Variants in MIB1 observed in about 807,000 individuals in gnomAD.
MIB1 encodes the protein MIB E3 ubiquitin protein ligase 1.
MIB1 carries 278 observed loss-of-function variants against 124.5 expected under a neutral mutation model. The observed-to-expected ratio is 2.23, with a 90% CI of 2.02 to 2.47. MIB1 has a LOEUF of 2.47. Ranked by LOEUF, MIB1 falls within the 30% of genes most tolerant of loss-of-function variation. The pLI is 0.00. For synonymous variants in MIB1, 446 were observed against 429.4 expected (o/e 1.04, Z -0.48); for missense variants, 957 against 1,254.4 (o/e 0.76, Z 3.58).
chr18:21,757,797 A>G (rs1292753417), intron 1 of MIB1, among the ~76,000 whole-genome samples: 1 of 151,998 alleles, frequency 6.6e-6, no homozygotes, highest in Non-Finnish European at 1.5e-5. Context: ...GTCTTTTAAC[A>G]TTTTAAAATA....
upstream of MIB1, among the ~76,000 whole-genome samples, chr18:21,737,856 C>T (rs139955194): frequency 0.025 from 3,881 of 152,226 alleles, 175 homozygotes; most frequent in African/African-American, 0.086. Flanking sequence ...GCACCCAATA[C>T]GGGAGCACCC....
chr18:21,722,840 GTGTACC>G (rs1269157937), intron 1 of MIB1, among the ~76,000 whole-genome samples: 1 of 152,084 alleles, frequency 6.6e-6, no homozygotes, highest in Non-Finnish European at 1.5e-5. Context: ...TCCTATGAAG[GTGTACC>G]TAATAGCCAC....
At chr18:21,862,665 G>GA (rs1217717211) in intron 20 of MIB1, among the ~76,000 whole-genome samples, 2 of 152,176 alleles carry the variant, frequency 1.3e-5, no homozygotes, top group African/African-American at 4.8e-5. Flanking sequence ...CTAAGAGCAA[G>GA]AACTTTGGGG....
intron 1 of MIB1, among the ~76,000 whole-genome samples, chr18:21,755,656 A>G (rs1010025148): frequency 1.3e-5 from 2 of 152,236 alleles, no homozygotes; most frequent in African/African-American, 4.8e-5. Flanking sequence ...AACACAACCA[A>G]GATAAGGTAG....
At chr18:21,791,594 C>G (rs780891415) in intron 7 of MIB1, 37 bp downstream of exon 7, 2 of 1,493,242 alleles carry the variant, frequency 1.3e-6, no homozygotes, top group South Asian at 1.2e-5. Flanking sequence ...CTAGAAATTA[C>G]AATATACTTA....
intron 13 of MIB1, among the ~76,000 whole-genome samples, chr18:21,842,091 C>CA (rs376834305): frequency 0.67 from 23,807 of 35,564 alleles, 8,524 homozygotes; most frequent in Non-Finnish European, 0.73. Context: ...GACCCTATCT[C>CA]AAAAAAAAAA....
rs1402017156 is a variant in MIB1 at position 21,819,481 on chromosome 18, C to T, written c.1678-14C>T. 6.4e-7 allele frequency: 1 copy of T among 1,555,780 alleles called. No homozygotes were observed. Among genetic ancestry groups the T allele is most frequent in the Non-Finnish European group, 8.8e-7 (1 of 1,139,448 alleles). ...TTAATTGAAGAACTAATGAAAATTT[C>T]TTTAAACTTAAAGGATTCTGAAGGT... On this transcript the variant is annotated splice_polypyrimidine_tract_variant and intron_variant, in intron 11 of 20. Coordinates refer to ENST00000261537, the MANE Select transcript of MIB1 (RefSeq NM_020774.4).
chr18:21,818,018 A>G (rs1041926354), intron 11 of MIB1, among the ~76,000 whole-genome samples: 2 of 152,240 alleles, frequency 1.3e-5, no homozygotes, highest in Admixed American at 6.5e-5. Flanking sequence ...TGCTAAGTCA[A>G]TTGATTAATG....
At chr18:21,857,555 G>A (rs1860253749) in intron 19 of MIB1, among the ~76,000 whole-genome samples, 1 of 152,230 alleles carries the variant, frequency 6.6e-6, no homozygotes, top group Non-Finnish European at 1.5e-5. Flanking sequence ...AGTGTGTTTT[G>A]TCAAGGGGTG....
upstream of MIB1, among the ~76,000 whole-genome samples, chr18:21,738,561 A>G (rs1243522138): frequency 6.6e-6 from 1 of 152,106 alleles, no homozygotes; most frequent in Non-Finnish European, 1.5e-5. Flanking sequence ...TAATCCCAGC[A>G]CTTTGGGAGG....
In MIB1 at chr18:21,838,384, T is replaced by C; in HGVS notation, c.1849T>C (p.Ser617Pro). The C allele has an allele frequency of 1.2e-6, 2 of 1,600,118 alleles. No homozygotes were observed. The highest frequency in any genetic ancestry group is 1.7e-6 in the Non-Finnish European group (2 of 1,172,438). ...TTTCAGTGCAATGCGTGTTTTACTA[T>C]CTAAATTACCAAGACCATGGATTGT... ...GNPSAMRVLL[S>P]KLPRPWIVDE... The change falls in exon 13 of 21, where the codon TCT becomes CCT. Residue 617 changes from serine (S) to proline (P), a missense_variant. By Grantham distance (74) the Ser-to-Pro change is moderately conservative. Coordinates refer to ENST00000261537, the MANE Select transcript of MIB1 (RefSeq NM_020774.4).
At position 21,791,364 on chromosome 18, in the gene MIB1, GCT is replaced by G; in HGVS notation, c.909-7_909-6del. On this transcript the variant is annotated splice_polypyrimidine_tract_variant and splice_region_variant and intron_variant, in intron 6 of 20. Coordinates refer to ENST00000261537, the MANE Select transcript of MIB1 (RefSeq NM_020774.4). Reference sequence around the variant, plus strand: ...GCTACCCATTTTGAGGTTTAGCTTTGCTCTTGTAGGTGGACCTTCAATCCTGC... The same window carrying G: ...GCTACCCATTTTGAGGTTTAGCTTTGCTTGTAGGTGGACCTTCAATCCTGC... 6.9e-6 allele frequency: 11 copies of G among 1,589,906 alleles called. No individual in the cohort carries two copies. The highest frequency in any genetic ancestry group is 9.4e-6 in the Non-Finnish European group (11 of 1,167,804).
chr18:21,752,409 A>G (rs972931318), intron 1 of MIB1, among the ~76,000 whole-genome samples: 1 of 152,310 alleles, frequency 6.6e-6, no homozygotes, highest in African/African-American at 2.4e-5. Flanking sequence ...CTGATAAGGG[A>G]GAAAATTTTC....
intron 17 of MIB1, among the ~76,000 whole-genome samples, chr18:21,849,953 A>G (rs2042167581): frequency 1.3e-5 from 2 of 152,102 alleles, no homozygotes; most frequent in South Asian, 2.1e-4. Context: ...TAATAGTTTG[A>G]TCAGGGTCAG....
chr18:21,860,098 C>CTTTTTTT (rs398032096), intron 20 of MIB1, among the ~76,000 whole-genome samples: 478 of 26,462 alleles, frequency 0.018, 145 homozygotes, highest in East Asian at 0.046. Context: ...TTCTTTATGT[C>CTTTTTTT]TTTTTTTTTT....
intron 12 of MIB1, among the ~76,000 whole-genome samples, chr18:21,820,573 C>T (rs1214302652): frequency 5.3e-5 from 8 of 152,148 alleles, no homozygotes; most frequent in African/African-American, 9.7e-5. Flanking sequence ...TTTTAGATCA[C>T]ATCTTGATTT....
intron 6 of MIB1, among the ~76,000 whole-genome samples, chr18:21,790,036 G>T (rs944690369): frequency 1.3e-5 from 2 of 152,152 alleles, no homozygotes; most frequent in African/African-American, 2.4e-5. Flanking sequence ...TGATAGCAGC[G>T]TGGAAAATGC....
At chr18:21,727,448 A>G (rs2040747521) in intron 1 of MIB1, among the ~76,000 whole-genome samples, 1 of 152,166 alleles carries the variant, frequency 6.6e-6, no homozygotes, top group Non-Finnish European at 1.5e-5. Flanking sequence ...TTTAATTTGC[A>G]ATAACTAACA....
intron 13 of MIB1, 124 bp downstream of exon 13, chr18:21,838,621 T>TCA (rs2042055345): frequency 2.9e-6 from 2 of 678,688 alleles, no homozygotes; most frequent in South Asian, 4.9e-5. Context: ...AACCTCATGA[T>TCA]GATGAAAATT....
Sources: allele counts gnomAD v4.1 joint callset (sites outside exome capture counted in the v4.1 genomes callset), GRCh38; gene constraint gnomAD v4.1.1; transcripts MANE v1.5; gene names NCBI Gene and HGNC (gene_info 2026-07-23, HGNC 2026-07-21).